LYPD6: variants seen among roughly 807,000 people sequenced by gnomAD.
The protein encoded by LYPD6 is ly6/PLAUR domain-containing protein 6.
In LYPD6, 15 loss-of-function variants were observed where a neutral mutation model predicts 22.7. The observed-to-expected ratio is 0.66, with a 90% CI of 0.44 to 1.02. The LOEUF (loss-of-function observed/expected upper bound fraction) is 1.02. Among genes scored for constraint, LYPD6 ranks in the 50% least tolerant of loss-of-function variants. The pLI is 0.00. For synonymous variants in LYPD6, 72 were observed against 77.5 expected (o/e 0.93, Z 0.37); for missense variants, 189 against 208.4 (o/e 0.91, Z 0.57).
chr2:149,414,489 G>C (rs1682919885), intron 1 of LYPD6, among the ~76,000 whole-genome samples: 1 of 151,944 alleles, frequency 6.6e-6, no homozygotes, highest in Admixed American at 6.6e-5. Flanking sequence ...TCAAAACATT[G>C]GCCTTTAGTA....
intron 2 of LYPD6, among the ~76,000 whole-genome samples, chr2:149,447,562 G>A (rs1424806292): frequency 6.6e-6 from 1 of 152,206 alleles, no homozygotes; most frequent in Non-Finnish European, 1.5e-5. Context: ...TTTTAGCAAT[G>A]AAGACTCTTC....
intron 1 of LYPD6, among the ~76,000 whole-genome samples, chr2:149,405,858 C>T (rs1337009367): frequency 3.4e-5 from 5 of 147,866 alleles, no homozygotes; most frequent in Admixed American, 2.7e-4. Flanking sequence ...CCTGCTTTCT[C>T]TTGTGGGCAT....
chr2:149,344,708 TGAG>T (rs1305562157), intron 1 of LYPD6, among the ~76,000 whole-genome samples: 1 of 152,182 alleles, frequency 6.6e-6, no homozygotes, highest in African/African-American at 2.4e-5. Flanking sequence ...CTTGACTTGA[TGAG>T]GAGCAGGTAA....
At chr2:149,333,864 T>TTTCA (rs1680984193) in intron 1 of LYPD6, among the ~76,000 whole-genome samples, 1 of 152,120 alleles carries the variant, frequency 6.6e-6, no homozygotes, top group Non-Finnish European at 1.5e-5. Flanking sequence ...ATGATATGTG[T>TTTCA]TTCAATTCAA....
intron 1 of LYPD6, among the ~76,000 whole-genome samples, chr2:149,341,349 T>C (rs902804503): frequency 3.9e-5 from 6 of 152,180 alleles, no homozygotes; most frequent in Non-Finnish European, 8.8e-5. Context: ...CCTTTTCTCC[T>C]GATTCCCTCA....
chr2:149,444,242 C>T (rs1310179906), intron 2 of LYPD6, among the ~76,000 whole-genome samples: 2 of 152,080 alleles, frequency 1.3e-5, no homozygotes, highest in East Asian at 1.9e-4. Flanking sequence ...CAACAATGTA[C>T]GTATCTTAAT....
At chr2:149,397,964 T>A (rs1046545522) in intron 1 of LYPD6, among the ~76,000 whole-genome samples, 7 of 152,220 alleles carry the variant, frequency 4.6e-5, no homozygotes, top group African/African-American at 1.4e-4. Flanking sequence ...TCTGTGCTGA[T>A]GATTATTTTT....
At position 149,440,693 on chromosome 2, in the gene LYPD6, CTTTTTTTTTTTTTT is replaced by C. The variant is rs764789006; in HGVS notation, c.118+2879_118+2892del. Among the ~76,000 whole-genome samples, 3 of 91,098 alleles carry C rather than the reference CTTTTTTTTTTTTTT, an allele frequency of 3.3e-5. No homozygotes were observed. The East Asian group carries it at 1.0e-3, about 31-fold the overall frequency. 59.8% of individuals were successfully genotyped at this position (91,098 alleles called of 152,430 possible). A position where few individuals can be genotyped will look rare whatever the true frequency, so the allele number is the denominator to read the frequency against. ...CCAGAACTTCGTTTATTCTGTCCAC[CTTTTTTTTTTTTTT>C]TTTTTTTTTTTGAGACAGAGTCTCA... On this transcript the variant is annotated intron_variant, in intron 2 of 4. Transcript: ENST00000334166.
At chr2:149,457,010 T>C (rs1680972504) in intron 3 of LYPD6, among the ~76,000 whole-genome samples, 1 of 152,232 alleles carries the variant, frequency 6.6e-6, no homozygotes, top group Non-Finnish European at 1.5e-5. Context: ...CTATAATTTA[T>C]TCATTCTGTC....
chr2:149,410,383 A>G (rs1263906066), intron 1 of LYPD6, among the ~76,000 whole-genome samples: 3 of 152,162 alleles, frequency 2.0e-5, no homozygotes, highest in Non-Finnish European at 4.4e-5. Flanking sequence ...TGTTAAATAC[A>G]TGAGCCATTT....
downstream of LYPD6, among the ~76,000 whole-genome samples, chr2:149,474,523 A>G (rs1053457492): frequency 1.3e-5 from 2 of 151,982 alleles, no homozygotes; most frequent in Admixed American, 6.6e-5. Context: ...TTATTTAATT[A>G]CCTATGTTTT....
In LYPD6 at chr2:149,470,795, G is replaced by A. The variant is rs369160172; in HGVS notation, c.461G>A (p.Arg154His). ...ATAAATCAGACAAATGGGCACCCAC[G>A]CTGTATGTCAGTGATAGTGTCCTGC... ...SPINQTNGHP[R>H]CMSVIVSCLW... Residue 154 changes from arginine to histidine, a missense_variant, in exon 5 of 5, where the codon CGC becomes CAC. Transcript: ENST00000334166. 55 of 1,613,532 alleles carry A rather than the reference G, an allele frequency of 3.4e-5. No individual in the cohort carries two copies. The highest frequency in any genetic ancestry group is 3.3e-5 in the Admixed American group (2 of 59,948).
chr2:149,442,653 A>G (rs982514338), intron 2 of LYPD6, among the ~76,000 whole-genome samples: 26 of 152,278 alleles, frequency 1.7e-4, no homozygotes, highest in African/African-American at 6.0e-4. Flanking sequence ...TTAAAAAAAA[A>G]AAAAAAACCT....
intron 1 of LYPD6, among the ~76,000 whole-genome samples, chr2:149,403,179 C>CG (rs1553518200): frequency 6.6e-6 from 1 of 151,960 alleles, no homozygotes; most frequent in Non-Finnish European, 1.5e-5. Flanking sequence ...TGAATAGTGC[C>CG]GCAGTAAACA....
intron 1 of LYPD6, among the ~76,000 whole-genome samples, chr2:149,332,365 C>G (rs1680955460): frequency 6.6e-6 from 1 of 152,208 alleles, no homozygotes; most frequent in Non-Finnish European, 1.5e-5. Flanking sequence ...AAGCTACACT[C>G]TCAAGCTGTT....
intron 1 of LYPD6, among the ~76,000 whole-genome samples, chr2:149,351,362 C>T (rs1681354578): frequency 6.8e-6 from 1 of 146,452 alleles, no homozygotes; most frequent in Admixed American, 6.9e-5. Context: ...CCACTGCACT[C>T]CAGCCTGGGT....
At chr2:149,479,291 G>A in the LYPD6 span, among the ~76,000 whole-genome samples, 1 of 152,154 alleles carries the variant, frequency 6.6e-6, no homozygotes, top group Non-Finnish European at 1.5e-5. Flanking sequence ...GAAATTTGGT[G>A]CTAAAGTTCC....
intron 1 of LYPD6, among the ~76,000 whole-genome samples, chr2:149,350,875 G>A (rs1681345827): frequency 6.6e-6 from 1 of 152,156 alleles, no homozygotes; most frequent in Non-Finnish European, 1.5e-5. Flanking sequence ...ACCCTTGCCG[G>A]GGCCTTTCTG....
At chr2:149,344,191 T>C (rs915606490) in intron 1 of LYPD6, among the ~76,000 whole-genome samples, 11 of 152,234 alleles carry the variant, frequency 7.2e-5, no homozygotes, top group African/African-American at 2.4e-4. Context: ...CCCCCTTGCC[T>C]CTTACCTAGA....
Sources: gnomAD v4.1 joint callset for allele counts (sites outside exome capture counted in the v4.1 genomes callset) on GRCh38, gnomAD v4.1.1 for gene constraint, MANE v1.5 for transcripts, NCBI Gene and HGNC (gene_info 2026-07-23, HGNC 2026-07-21) for gene names.